ASPH: variants seen among roughly 807,000 people sequenced by gnomAD.
The protein encoded by ASPH is aspartate beta-hydroxylase.
A neutral mutation model predicts 118.4 loss-of-function variants in ASPH; 100 were observed. The observed-to-expected ratio is 0.84, with a 90% CI of 0.72 to 1.00. ASPH has a LOEUF of 1.00. ASPH is among the 50% of genes least tolerant of loss of function. The pLI, the probability that ASPH is intolerant of heterozygous loss-of-function variation, is 0.00. For synonymous variants in ASPH, 315 were observed against 325.6 expected (o/e 0.97, Z 0.35); for missense variants, 920 against 919.5 (o/e 1.00, Z -0.01).
rs565407831 is a variant in ASPH at position 61,668,379 on chromosome 8, T to C, written c.322+12589A>G. On this transcript the variant is annotated intron_variant, in intron 3 of 24. Transcript: ENST00000379454. ...GTAAAATCAATGCCACTATAAAATA[T>C]GTTAAGTTAGTTAAATTCATCATTA... 1.3e-5 allele frequency: 11 copies of C among 858,454 alleles called. No individual in the cohort carries two copies. In the East Asian group the frequency reaches 1.9e-4, roughly 15 times the overall value. 53.2% of individuals were successfully genotyped at this position (858,454 alleles called of 1,614,324 possible).
intron 3 of ASPH, chr8:61,665,028 T>C: frequency 7.9e-7 from 1 of 1,271,232 alleles, no homozygotes; most frequent in Non-Finnish European, 9.9e-7. Context: ...TAAATAGAAG[T>C]TATTACATCA....
intron 10 of ASPH, among the ~76,000 whole-genome samples, chr8:61,639,515 C>T (rs2150913971): frequency 6.6e-6 from 1 of 152,266 alleles, no homozygotes; most frequent in Middle Eastern, 3.4e-3. Flanking sequence ...TTTGGTTTTT[C>T]GTTTCTCCCA....
At position 61,638,425 on chromosome 8, in the gene ASPH, C is replaced by A. The variant is rs572222232; in HGVS notation, c.791-62G>T. The A allele has an allele frequency of 4.4e-5, 62 of 1,413,632 alleles. 1 individual carries two copies. The South Asian group carries it at 6.2e-4, about 14-fold the overall frequency. The allele number at this position is 1,413,632 out of a possible 1,614,324, so 87.6% of individuals were successfully genotyped here. A position where few individuals can be genotyped will look rare whatever the true frequency, so the allele number is the denominator to read the frequency against. ...TTCATTGTAACACAAAAACTGACAA[C>A]ATGCTTTAAGGGCAGAGACAATGCC... On this transcript the variant is annotated intron_variant, in intron 10 of 24. Transcript: ENST00000379454.
intron 14 of ASPH, among the ~76,000 whole-genome samples, chr8:61,604,901 C>T (rs961332986): frequency 1.8e-4 from 27 of 152,206 alleles, no homozygotes; most frequent in African/African-American, 5.5e-4. Context: ...CAATTTAAAG[C>T]ATACATGGAA....
In ASPH at chr8:61,654,668, C is replaced by T. The variant is rs117568540; in HGVS notation, c.323-1008G>A. ...TGTTTCTTTTATGGACAAAAACATA[C>T]TCCCACATTCCTCTTCCCAAATCTT... On this transcript the variant is annotated intron_variant, in intron 3 of 24. Coordinates refer to ENST00000379454, the MANE Select transcript of ASPH (RefSeq NM_004318.4). Among the ~76,000 whole-genome samples the T allele has an allele frequency of 1.7e-4, 26 of 152,240 alleles. No homozygotes were observed. The East Asian group carries it at 5.0e-3, about 29-fold the overall frequency.
intron 3 of ASPH, among the ~76,000 whole-genome samples, chr8:61,668,609 G>A (rs746582875): frequency 5.4e-4 from 82 of 152,118 alleles, no homozygotes; most frequent in Non-Finnish European, 9.9e-4. Context: ...TTGGGTCACA[G>A]ATGATCAATT....
chr8:61,505,325 T>C (rs921906966), intron 24 of ASPH, among the ~76,000 whole-genome samples: 1 of 151,932 alleles, frequency 6.6e-6, no homozygotes, highest in Non-Finnish European at 1.5e-5. Context: ...GAAACCCCCA[T>C]CTCCACTAAA....
At chr8:61,693,878 C>T (rs1231829211) in intron 1 of ASPH, among the ~76,000 whole-genome samples, 15 of 152,146 alleles carry the variant, frequency 9.9e-5, no homozygotes. Context: ...TCTATCAGTT[C>T]ACTGCGTGGA....
At chr8:61,528,527 C>T (rs969542001) in intron 21 of ASPH, among the ~76,000 whole-genome samples, 1 of 152,066 alleles carries the variant, frequency 6.6e-6, no homozygotes, top group African/African-American at 2.4e-5. Context: ...TTCCTTTATT[C>T]CCTCCTGATA....
At chr8:61,544,740 T>C (rs953968937) in intron 21 of ASPH, among the ~76,000 whole-genome samples, 3 of 152,246 alleles carry the variant, frequency 2.0e-5, no homozygotes, top group African/African-American at 7.2e-5. Flanking sequence ...ATGAACCTAA[T>C]TTTTGAGAAC....
At chr8:61,538,464 T>G (rs1820480334) in intron 21 of ASPH, among the ~76,000 whole-genome samples, 1 of 152,228 alleles carries the variant, frequency 6.6e-6, no homozygotes, top group African/African-American at 2.4e-5. Context: ...TCCTCTTAAT[T>G]TACAGCTTAA....
At chr8:61,707,836 G>T (rs1018979877) in intron 1 of ASPH, among the ~76,000 whole-genome samples, 1 of 152,046 alleles carries the variant, frequency 6.6e-6, no homozygotes, top group African/African-American at 2.4e-5. Flanking sequence ...CTTTTAATAC[G>T]TGCTATACAG....
At chr8:61,644,064 A>G (rs1564165046) in intron 7 of ASPH, 63 bp from the exon 8 acceptor site, 2 of 1,235,146 alleles carry the variant, frequency 1.6e-6, no homozygotes, top group Non-Finnish European at 2.3e-6. Flanking sequence ...AATATTCGAA[A>G]CCAGAAAGAC....
intron 3 of ASPH, chr8:61,664,044 T>G (rs1432113858): frequency 1.2e-5 from 11 of 952,742 alleles, no homozygotes; most frequent in Non-Finnish European, 1.4e-5. Context: ...GTTAATAAGG[T>G]TAACATTAAG....
At chr8:61,678,252 A>G (rs1037252773) in intron 3 of ASPH, among the ~76,000 whole-genome samples, 2 of 152,168 alleles carry the variant, frequency 1.3e-5, no homozygotes, top group African/African-American at 4.8e-5. Context: ...CTAAGGATTT[A>G]GTCCTCGCAT....
rs73685073 is a variant in ASPH, at chr8:61,505,928, C to T, written c.2127-2419G>A. ...ATTTTCTAGGTCTCAGTGTTGTCAC[C>T]GGGATTAAGCAATGTCAGTGGGTAC... On this transcript the variant is annotated intron_variant, in intron 24 of 24. Transcript: ENST00000379454. 7.3e-3 allele frequency among the ~76,000 whole-genome samples: 1,110 copies of T among 152,170 alleles called. 6 individuals carry two copies. Among genetic ancestry groups the T allele is most frequent in the African/African-American group, 0.026 (1,066 of 41,518 alleles).
chr8:61,539,699 G>GTGTGTGTGTGTGTGTGT lies in ASPH; in HGVS notation c.1764+8371_1764+8372insACACACACACACACACA, dbSNP rs1554618408. Among the ~76,000 whole-genome samples, 53 of 124,306 alleles carry GTGTGTGTGTGTGTGTGT rather than the reference G, an allele frequency of 4.3e-4. 1 individual carries two copies. The highest frequency in any genetic ancestry group is 1.9e-3 in the Admixed American group (22 of 11,752). 81.5% of individuals were successfully genotyped at this position (124,306 alleles called of 152,430 possible). A position where few individuals can be genotyped will look rare whatever the true frequency, so the allele number is the denominator to read the frequency against. On this transcript the variant is annotated intron_variant, in intron 21 of 24. Transcript: ENST00000379454. The stretch of plus-strand genomic sequence containing the variant: ...TGTGATGGTCACCTAACACTTCTGG[G>GTGTGTGTGTGTGTGTGT]GTGTGTGTGTGTGTGTGTGTGTGTG...
chr8:61,596,009 C>T (rs748134245), intron 14 of ASPH, among the ~76,000 whole-genome samples: 3 of 152,042 alleles, frequency 2.0e-5, no homozygotes, highest in Admixed American at 6.6e-5. Context: ...AGGATTGCCC[C>T]GTGCCCCACC....
intron 3 of ASPH, among the ~76,000 whole-genome samples, chr8:61,671,175 G>A (rs1200433010): frequency 6.6e-6 from 1 of 152,156 alleles, no homozygotes; most frequent in East Asian, 1.9e-4. Flanking sequence ...CACAAGGCAG[G>A]TACGAAAGGC....
Sources: allele counts gnomAD v4.1 joint callset (sites outside exome capture counted in the v4.1 genomes callset), GRCh38; gene constraint gnomAD v4.1.1; transcripts MANE v1.5; gene names NCBI Gene and HGNC (gene_info 2026-07-23, HGNC 2026-07-21).